Variants in UBE2Q2 observed in about 807,000 individuals in gnomAD.
UBE2Q2 encodes ubiquitin-conjugating enzyme E2 Q2.
Under a neutral mutation model 59.9 loss-of-function variants are expected in UBE2Q2, and 54 were observed. The ratio of observed to expected loss-of-function variants is 0.90; its 90% confidence interval spans 0.72 to 1.13. The LOEUF is 1.13. Ranked by LOEUF, UBE2Q2 falls within the 50% of genes most tolerant of loss-of-function variation. The pLI is 0.00. For missense variants in UBE2Q2, 433 were observed against 441.9 expected (o/e 0.98, Z 0.18); for synonymous variants, 165 against 155.2 (o/e 1.06, Z -0.47).
intron 6 of UBE2Q2, 42 bp downstream of exon 6, chr15:75,876,313 C>T (rs1898078295): frequency 1.3e-6 from 2 of 1,507,790 alleles, no homozygotes; most frequent in African/African-American, 1.4e-5. Flanking sequence ...GATTCTTCTG[C>T]TCTTTTCTAT....
chr15:75,899,384 A>G lies in UBE2Q2; in HGVS notation c.1097-43A>G, dbSNP rs532211654. Reference sequence around the variant, plus strand: ...TATTACATGCCAGTTCTTCTAATTTATTTAAGAATTATTTTAACTTTTTTT... The same window carrying G: ...TATTACATGCCAGTTCTTCTAATTTGTTTAAGAATTATTTTAACTTTTTTT... On this transcript the variant is annotated intron_variant, in intron 12 of 12. Transcript: ENST00000267938. 7 of 1,465,178 alleles carry G rather than the reference A, an allele frequency of 4.8e-6. No homozygotes were observed. The South Asian group carries it at 5.2e-5, about 11-fold the overall frequency. The allele number at this position is 1,465,178 out of a possible 1,614,324, so 90.8% of individuals were successfully genotyped here. A position where few individuals can be genotyped will look rare whatever the true frequency, so the allele number is the denominator to read the frequency against.
At chr15:75,844,842 C>T (rs1896246242) in intron 1 of UBE2Q2, among the ~76,000 whole-genome samples, 1 of 152,142 alleles carries the variant, frequency 6.6e-6, no homozygotes. Context: ...TTGTTTTTAA[C>T]TCCCTTTGGT....
intron 4 of UBE2Q2, among the ~76,000 whole-genome samples, chr15:75,869,740 C>T (rs138543320): frequency 6.6e-6 from 1 of 152,176 alleles, no homozygotes; most frequent in South Asian, 2.1e-4. Flanking sequence ...ATTGGCAACA[C>T]CTGCATTTTG....
At chr15:75,867,175 A>C (rs1189171838) in intron 3 of UBE2Q2, among the ~76,000 whole-genome samples, 2 of 152,270 alleles carry the variant, frequency 1.3e-5, no homozygotes, top group East Asian at 3.9e-4. Flanking sequence ...TAAAAGGAAG[A>C]GGTGGAGTCT....
rs1056897467 is a variant in UBE2Q2 at position 75,896,262 on chromosome 15, A to G, written c.1030-733A>G. 4.6e-5 allele frequency among the ~76,000 whole-genome samples: 7 copies of G among 152,196 alleles called. No homozygotes were observed. The South Asian group carries it at 1.2e-3, about 27-fold the overall frequency. On this transcript the variant is annotated intron_variant, in intron 11 of 12. Transcript: ENST00000267938. Reference sequence around the variant, plus strand: ...GAGGAAACTGGGTGTTCAGGGCACCAAGTAGGAGGGAGAGTTTTCACTTAG... The same window carrying G: ...GAGGAAACTGGGTGTTCAGGGCACCGAGTAGGAGGGAGAGTTTTCACTTAG...
intron 3 of UBE2Q2, among the ~76,000 whole-genome samples, chr15:75,862,864 C>T (rs1897268686): frequency 7.1e-6 from 1 of 140,758 alleles, no homozygotes; most frequent in African/African-American, 2.6e-5. Flanking sequence ...ATTGGGAGTT[C>T]TTTGTGGCCA....
chr15:75,882,910 CTG>C (rs1404174618), intron 8 of UBE2Q2, among the ~76,000 whole-genome samples: 1 of 152,186 alleles, frequency 6.6e-6, no homozygotes, highest in East Asian at 1.9e-4. Context: ...CTCTGTGAGT[CTG>C]TGAGTTCTAG....
chr15:75,886,169 G>A (rs1446498791), intron 9 of UBE2Q2, among the ~76,000 whole-genome samples: 1 of 151,828 alleles, frequency 6.6e-6, no homozygotes, highest in Non-Finnish European at 1.5e-5. Flanking sequence ...GCCCAGGCTG[G>A]AGTGCAGTGG....
chr15:75,848,331 A>G (rs1417384050), intron 1 of UBE2Q2, among the ~76,000 whole-genome samples: 2 of 152,238 alleles, frequency 1.3e-5, no homozygotes, highest in African/African-American at 4.8e-5. Context: ...TAGTCCAGTC[A>G]AAGTTGTACA....
intron 11 of UBE2Q2, among the ~76,000 whole-genome samples, chr15:75,892,089 A>G (rs1899139948): frequency 6.6e-6 from 1 of 152,186 alleles, no homozygotes; most frequent in Non-Finnish European, 1.5e-5. Context: ...GTGAGTCACT[A>G]CCTATACTAA....
chr15:75,864,421 C>T (rs1359450344), intron 3 of UBE2Q2, among the ~76,000 whole-genome samples: 1 of 152,040 alleles, frequency 6.6e-6, no homozygotes, highest in Admixed American at 6.5e-5. Context: ...ACTAAACATC[C>T]TACAACACAC....
intron 3 of UBE2Q2, among the ~76,000 whole-genome samples, chr15:75,863,761 G>C (rs1280871770): frequency 6.6e-6 from 1 of 151,944 alleles, no homozygotes; most frequent in Non-Finnish European, 1.5e-5. Flanking sequence ...TCCTGCCTCA[G>C]TCTCCCCAGT....
At chr15:75,898,571 C>T (rs1899566655) in intron 12 of UBE2Q2, among the ~76,000 whole-genome samples, 2 of 152,250 alleles carry the variant, frequency 1.3e-5, no homozygotes, top group South Asian at 4.1e-4. Context: ...ACTATAGTCA[C>T]CATGTTGTAC....
At chr15:75,874,301 T>C (rs1897953609) in intron 5 of UBE2Q2, among the ~76,000 whole-genome samples, 2 of 150,592 alleles carry the variant, frequency 1.3e-5, no homozygotes, top group South Asian at 4.2e-4. Context: ...TTTTTTTTTT[T>C]TGGATGAAGT....
chr15:75,869,125 G>T lies in UBE2Q2; in HGVS notation c.447+115G>T, dbSNP rs1273482986. On this transcript the variant is annotated intron_variant, in intron 4 of 12. Coordinates refer to ENST00000267938, the MANE Select transcript of UBE2Q2 (RefSeq NM_173469.4). ...AATGTGGAATAATTGAAAGCACATT[G>T]TGTTTGGAATGGAATATAATTTCCC... 5.7e-6 allele frequency: 5 copies of T among 878,908 alleles called. No individual in the cohort carries two copies. The African/African-American group carries it at 8.5e-5, about 15-fold the overall frequency. The allele number at this position is 878,908 out of a possible 1,614,324, so 54.4% of individuals were successfully genotyped here. A position where few individuals can be genotyped will look rare whatever the true frequency, so the allele number is the denominator to read the frequency against.
chr15:75,851,542 T>G (rs1192668920), intron 1 of UBE2Q2, among the ~76,000 whole-genome samples: 1 of 152,214 alleles, frequency 6.6e-6, no homozygotes, highest in Non-Finnish European at 1.5e-5. Flanking sequence ...ATTCTAATTT[T>G]TTGTTCAAAA....
At position 75,869,032 on chromosome 15, in the gene UBE2Q2, A is replaced by C. The variant is rs1595875545; in HGVS notation, c.447+22A>C. On this transcript the variant is annotated intron_variant, in intron 4 of 12. Coordinates refer to ENST00000267938, the MANE Select transcript of UBE2Q2 (RefSeq NM_173469.4). ...TGAAGTAGGTATTTTATATAAAAGA[A>C]GAGTTCATAAATTTCTTCATTTTTG... 4 of 1,592,424 alleles carry C rather than the reference A, an allele frequency of 2.5e-6. No homozygotes were observed. In the East Asian group the frequency reaches 9.1e-5, roughly 36 times the overall value.
At chr15:75,880,907 C>T (rs1002332885) in intron 8 of UBE2Q2, among the ~76,000 whole-genome samples, 2 of 152,164 alleles carry the variant, frequency 1.3e-5, no homozygotes, top group African/African-American at 4.8e-5. Context: ...AAGCTTCTTA[C>T]GTAGCTTTTT....
chr15:75,857,158 A>G (rs907525783), intron 2 of UBE2Q2, among the ~76,000 whole-genome samples: 1 of 152,168 alleles, frequency 6.6e-6, no homozygotes, highest in Non-Finnish European at 1.5e-5. Flanking sequence ...ATGGAGAGCC[A>G]TGAAGGTAAG....
Sources: gnomAD v4.1 joint callset for allele counts (sites outside exome capture counted in the v4.1 genomes callset) on GRCh38, gnomAD v4.1.1 for gene constraint, MANE v1.5 for transcripts, NCBI Gene and HGNC (gene_info 2026-07-23, HGNC 2026-07-21) for gene names.